The following UTY variants were observed in gnomAD, a reference collection of about 807,000 sequenced individuals.
UTY encodes the protein histone demethylase UTY.
A neutral mutation model predicts 32.5 loss-of-function variants in UTY; 12 were observed. The ratio of observed to expected loss-of-function variants is 0.37; its 90% CI spans 0.24 to 0.60. UTY has a LOEUF of 0.60. Ranked by LOEUF, UTY falls within the 20% of genes least tolerant of loss-of-function variation. The pLI, the probability that UTY is intolerant of heterozygous loss-of-function variation, is 0.69. For missense variants in UTY, 303 were observed against 299.2 expected, an observed-to-expected ratio of 1.01 and a Z score of -0.09; for synonymous variants, 131 against 103.4, an observed-to-expected ratio of 1.27 and a Z score of -1.62.
At chrY:13,269,466 C>T (rs2056100901) in intron 27 of UTY, among the ~76,000 whole-genome samples, 2 of 31,206 alleles carry the variant, frequency 6.4e-5, no homozygotes, top group Non-Finnish European at 1.5e-4. Flanking sequence ...CTAAGCTAGA[C>T]GACTTGACTC....
At chrY:13,347,521 A>G (rs2149146544) in intron 17 of UTY, among the ~76,000 whole-genome samples, 1 of 32,014 alleles carries the variant, frequency 3.1e-5, no homozygotes, top group East Asian at 8.1e-4. Flanking sequence ...GGAGATCGAG[A>G]CCATCCTGGC....
intron 28 of UTY, among the ~76,000 whole-genome samples, chrY:13,253,218 C>T: frequency 3.0e-5 from 1 of 33,386 alleles, no homozygotes; most frequent in African/African-American, 1.2e-4. Context: ...TTCATTCCAC[C>T]TTGGAACTTT....
At position 13,355,318 on chromosome Y, in the gene UTY, G is replaced by A; in HGVS notation, c.1746C>T (p.Asn582=). 2.5e-6 allele frequency: 1 copy of A among 398,235 alleles called. No individual in the cohort carries two copies. The highest frequency in any genetic ancestry group is 3.5e-6 in the Non-Finnish European group (1 of 283,148). The stretch of plus-strand genomic sequence containing the variant: ...CATGTGGTTGTCGATTAGAGACAGA[G>A]TTTGTAGGCAGTGATGAATCAGTTA... ...GAITDSSLPT[N]SVSNRQPHGA... Residue 582 remains asparagine, a synonymous_variant, in exon 17 of 30, where the codon AAC becomes AAT. Transcript: ENST00000545955.
intron 8 of UTY, among the ~76,000 whole-genome samples, chrY:13,373,306 TC>T (rs2065090987): frequency 9.0e-5 from 3 of 33,465 alleles, no homozygotes; most frequent in African/African-American, 3.5e-4. Context: ...GTGTGATGTA[TC>T]CCAACACAGA....
At chrY:13,414,842 T>C in intron 4 of UTY, 49 bp from the exon 5 acceptor site, 1 of 263,439 alleles carries the variant, frequency 3.8e-6, no homozygotes, top group Non-Finnish European at 5.6e-6. Flanking sequence ...TTTATATCTA[T>C]TACTATTACA....
At chrY:13,353,228 A>G (rs371239449) in intron 17 of UTY, among the ~76,000 whole-genome samples, 4 of 33,934 alleles carry the variant, frequency 1.2e-4, no homozygotes, top group African/African-American at 4.6e-4. Flanking sequence ...GCTGAAGGCA[A>G]TGCTCATTTA....
At chrY:13,295,845 G>C in intron 27 of UTY, among the ~76,000 whole-genome samples, 1 of 34,231 alleles carries the variant, frequency 2.9e-5, no homozygotes, top group Non-Finnish European at 7.3e-5. Flanking sequence ...ACTGGTGTGA[G>C]CAGTAGGCTC....
At chrY:13,341,100 A>G in intron 17 of UTY, among the ~76,000 whole-genome samples, 1 of 33,896 alleles carries the variant, frequency 3.0e-5, no homozygotes, top group Non-Finnish European at 7.3e-5. Flanking sequence ...GAGGCTCTGC[A>G]AGGCTCAGCA....
intron 27 of UTY, among the ~76,000 whole-genome samples, chrY:13,279,462 T>C (rs1026736095): frequency 4.8e-4 from 16 of 33,151 alleles, no homozygotes; most frequent in African/African-American, 1.9e-3. Context: ...GTTGGCCAGG[T>C]TGATCTCGAA....
intron 27 of UTY, among the ~76,000 whole-genome samples, chrY:13,266,687 C>T (rs768095415): frequency 3.0e-5 from 1 of 33,279 alleles, no homozygotes; most frequent in Non-Finnish European, 7.4e-5. Flanking sequence ...AGCTGTGTCC[C>T]AGAGATTCTG....
chrY:13,443,221 TTAAG>T (rs2075376828), intron 4 of UTY, among the ~76,000 whole-genome samples: 2 of 33,094 alleles, frequency 6.0e-5, no homozygotes, highest in South Asian at 6.7e-4. Context: ...GCTAAGAAAT[TTAAG>T]TAGCCCTTCC....
intron 10 of UTY, among the ~76,000 whole-genome samples, chrY:13,362,731 C>T (rs2063679341): frequency 3.0e-5 from 1 of 33,212 alleles, no homozygotes; most frequent in Non-Finnish European, 7.4e-5. Flanking sequence ...GAAACCAAAG[C>T]AGGTTAATTA....
chrY:13,284,869 T>A (rs2057245933), intron 27 of UTY, among the ~76,000 whole-genome samples: 1 of 34,608 alleles, frequency 2.9e-5, no homozygotes, highest in South Asian at 6.3e-4. Flanking sequence ...GTTATGCTTG[T>A]GCACATGGTA....
chrY:13,260,900 A>T, intron 27 of UTY, among the ~76,000 whole-genome samples: 1 of 33,836 alleles, frequency 3.0e-5, no homozygotes, highest in Non-Finnish European at 7.4e-5. Flanking sequence ...TATAATAACA[A>T]AGAAAAAAAA....
chrY:13,469,280 C>T (rs2078236205), intron 3 of UTY, among the ~76,000 whole-genome samples: 1 of 28,204 alleles, frequency 3.5e-5, no homozygotes, highest in African/African-American at 1.4e-4. Flanking sequence ...GGCGCAATCT[C>T]GGCTCACTGC....
chrY:13,479,391 G>A, intron 1 of UTY, 74 bp from the exon 2 acceptor site: 1 of 384,011 alleles, frequency 2.6e-6, no homozygotes, highest in Non-Finnish European at 3.7e-6. Context: ...GAGTCCAAGA[G>A]CGACAGCGAC....
At chrY:13,242,592 A>G (rs2053914775) in intron 28 of UTY, among the ~76,000 whole-genome samples, 1 of 33,929 alleles carries the variant, frequency 2.9e-5, no homozygotes, top group African/African-American at 1.2e-4. Context: ...TATCAATGTC[A>G]TTTTTCACAG....
chrY:13,431,535 T>A, intron 4 of UTY, among the ~76,000 whole-genome samples: 1 of 32,224 alleles, frequency 3.1e-5, no homozygotes, highest in African/African-American at 1.2e-4. Context: ...TACAAAAAGA[T>A]CATTCAACAT....
chrY:13,401,603 C>T, intron 6 of UTY, among the ~76,000 whole-genome samples: 1 of 33,480 alleles, frequency 3.0e-5, no homozygotes, highest in Non-Finnish European at 7.4e-5. Flanking sequence ...TGACCAGGTG[C>T]AGTGGCTCAC....
Sources: gnomAD v4.1 joint callset for allele counts (sites outside exome capture counted in the v4.1 genomes callset) on GRCh38, gnomAD v4.1.1 for gene constraint, MANE v1.5 for transcripts, NCBI Gene and HGNC (gene_info 2026-07-23, HGNC 2026-07-21) for gene names.